Variants in AUTS2 observed in about 807,000 individuals in gnomAD.
AUTS2 encodes activator of transcription and developmental regulator AUTS2, also known as autism susceptibility gene 2 protein.
AUTS2 carries 17 observed loss-of-function variants against 112.4 expected under a neutral mutation model. The observed-to-expected ratio is 0.15, with a 90% confidence interval of 0.10 to 0.23. AUTS2 has a LOEUF of 0.23. Among genes scored for constraint, AUTS2 ranks in the 10% least tolerant of loss-of-function variants. AUTS2 has a pLI of 1.00. For synonymous variants in AUTS2, 751 were observed against 702.7 expected (o/e 1.07, Z -1.09); for missense variants, 1,510 against 1,701.6 (o/e 0.89, Z 1.98).
chr7:69,644,698 C>T (rs1454230997), intron 1 of AUTS2, among the ~76,000 whole-genome samples: 1 of 152,090 alleles, frequency 6.6e-6, no homozygotes, highest in East Asian at 1.9e-4. Flanking sequence ...AACCTCCTAG[C>T]ACTTAATAGG....
chr7:69,693,039 A>G (rs184684057), intron 1 of AUTS2, among the ~76,000 whole-genome samples: 1 of 152,350 alleles, frequency 6.6e-6, no homozygotes, highest in African/African-American at 2.4e-5. Flanking sequence ...GGAAATAATG[A>G]GGAAACTGTG....
chr7:70,616,544 C>G (rs1157962362), intron 5 of AUTS2, among the ~76,000 whole-genome samples: 1 of 152,180 alleles, frequency 6.6e-6, no homozygotes, highest in Non-Finnish European at 1.5e-5. Context: ...ATGCTCCAAG[C>G]TCCACAAGGG....
At chr7:70,554,778 G>A (rs749898297) in intron 5 of AUTS2, among the ~76,000 whole-genome samples, 30 of 152,330 alleles carry the variant, frequency 2.0e-4, no homozygotes, top group Non-Finnish European at 3.4e-4. Flanking sequence ...AGGACCCAGA[G>A]CTATGTGACT....
At chr7:70,491,467 T>TACACATAATATATATGTTATATAC (rs1798231722) in intron 5 of AUTS2, among the ~76,000 whole-genome samples, 1 of 144,006 alleles carries the variant, frequency 6.9e-6, no homozygotes, top group South Asian at 2.1e-4. Context: ...ATGTTATATA[T>TACACATAATATATATGTTATATAC]ACACATAATA....
chr7:69,982,009 A>G (rs527989121), intron 2 of AUTS2, among the ~76,000 whole-genome samples: 1 of 152,300 alleles, frequency 6.6e-6, no homozygotes, highest in African/African-American at 2.4e-5. Flanking sequence ...TCTTGTTTAT[A>G]TCAGTGTGAG....
chr7:70,693,452 G>A (rs954226100), intron 5 of AUTS2, among the ~76,000 whole-genome samples: 3 of 152,192 alleles, frequency 2.0e-5, no homozygotes, highest in Admixed American at 1.3e-4. Flanking sequence ...GTGAGGAGCT[G>A]GGAGGAGAGG....
intron 1 of AUTS2, among the ~76,000 whole-genome samples, chr7:69,838,733 GA>G (rs1337306840): frequency 6.6e-6 from 1 of 152,136 alleles, no homozygotes; most frequent in East Asian, 1.9e-4. Flanking sequence ...AAAAAAAGTG[GA>G]AACTTAGCTG....
intron 1 of AUTS2, among the ~76,000 whole-genome samples, chr7:69,772,448 TGTTTGTTTTGGAGATAGG>T (rs1299714374): frequency 6.6e-5 from 10 of 152,346 alleles, no homozygotes; most frequent in Admixed American, 5.2e-4. Flanking sequence ...TCTTTTTGTT[TGTTTGTTTTGGAGATAGG>T]GTCTCGCTGT....
intron 5 of AUTS2, among the ~76,000 whole-genome samples, chr7:70,460,778 G>A (rs1289587145): frequency 6.6e-6 from 1 of 152,140 alleles, no homozygotes; most frequent in Admixed American, 6.5e-5. Context: ...GGTCTGTAAG[G>A]TATCACTGGA....
At chr7:70,154,885 A>G (rs1455651609) in intron 4 of AUTS2, among the ~76,000 whole-genome samples, 1 of 152,056 alleles carries the variant, frequency 6.6e-6, no homozygotes, top group Non-Finnish European at 1.5e-5. Flanking sequence ...GATATAATTG[A>G]TACTTGCTTT....
At chr7:70,768,159 C>T in intron 10 of AUTS2, 91 bp downstream of exon 10, 1 of 1,238,868 alleles carries the variant, frequency 8.1e-7, no homozygotes. Flanking sequence ...AGCAGCCTTC[C>T]TTAATCATCT....
chr7:70,692,767 T>C (rs1808822361), intron 5 of AUTS2, among the ~76,000 whole-genome samples: 1 of 92,464 alleles, frequency 1.1e-5, no homozygotes. Flanking sequence ...CCCCACCTTT[T>C]TTTTTTTTTT....
At chr7:70,467,944 A>C (rs1046643636) in intron 5 of AUTS2, among the ~76,000 whole-genome samples, 15 of 152,200 alleles carry the variant, frequency 9.9e-5, no homozygotes, top group African/African-American at 3.6e-4. Context: ...TGTCAGTGGG[A>C]GAAAGTAATC....
rs1482143697 is a variant in AUTS2 at position 69,899,421 on chromosome 7, A to G, written c.445A>G (p.Ser149Gly). ...KSRLSHPHHYSSDRENDRNLC... is the reference protein window; with the variant it reads ...KSRLSHPHHYGSDRENDRNLC... ...CAGACTCAGCCACCCACACCACTACAGCTCAGATCGAGAAAATGACCGCAA... is the reference window on the plus strand; with the variant it reads ...CAGACTCAGCCACCCACACCACTACGGCTCAGATCGAGAAAATGACCGCAA... The change falls in exon 2 of 19, where the codon AGC (serine) becomes GGC (glycine). Residue 149 changes from serine to glycine, a missense_variant. By Grantham distance (56) the Ser-to-Gly change is moderately conservative. Coordinates refer to ENST00000342771, the MANE Select transcript of AUTS2 (RefSeq NM_015570.4). 1.9e-6 allele frequency: 3 copies of G among 1,613,894 alleles called. No homozygotes were observed. The African/African-American group carries it at 4.0e-5, about 22-fold the overall frequency.
chr7:70,493,168 A>G (rs925941312), intron 5 of AUTS2, among the ~76,000 whole-genome samples: 2 of 152,188 alleles, frequency 1.3e-5, no homozygotes, highest in Non-Finnish European at 2.9e-5. Flanking sequence ...GGGAAAAGGT[A>G]TATTTCCACT....
chr7:69,815,855 C>T (rs1033978357), intron 1 of AUTS2, among the ~76,000 whole-genome samples: 2 of 152,176 alleles, frequency 1.3e-5, no homozygotes, highest in African/African-American at 4.8e-5. Flanking sequence ...TTCAGCTGCG[C>T]ATATGTTCTA....
intron 5 of AUTS2, among the ~76,000 whole-genome samples, chr7:70,617,666 G>A (rs113511256): frequency 2.7e-5 from 4 of 148,642 alleles, no homozygotes; most frequent in Non-Finnish European, 3.0e-5. Context: ...CTGTCTCAGA[G>A]AAAAAAAAAA....
At chr7:69,897,941 C>A (rs896987561) in intron 1 of AUTS2, among the ~76,000 whole-genome samples, 2 of 151,710 alleles carry the variant, frequency 1.3e-5, no homozygotes, top group African/African-American at 2.4e-5. Flanking sequence ...GGAAAGAGAG[C>A]GGTATTTTAA....
intron 5 of AUTS2, among the ~76,000 whole-genome samples, chr7:70,679,152 T>C (rs539954553): frequency 6.6e-6 from 1 of 152,358 alleles, no homozygotes; most frequent in African/African-American, 2.4e-5. Flanking sequence ...TGGGTGTTAT[T>C]CTCACCATCT....
Sources: gnomAD v4.1 joint callset for allele counts (sites outside exome capture counted in the v4.1 genomes callset) on GRCh38, gnomAD v4.1.1 for gene constraint, MANE v1.5 for transcripts, NCBI Gene and HGNC (gene_info 2026-07-23, HGNC 2026-07-21) for gene names.